The following SEC63 variants were observed in gnomAD, a reference collection of about 807,000 sequenced individuals.
SEC63 encodes translocation protein SEC63 homolog.
A neutral mutation model predicts 116.2 loss-of-function variants in SEC63; 56 were observed. That is an observed-to-expected ratio of 0.48 (90% confidence interval 0.39 to 0.60). SEC63 has a LOEUF of 0.60. SEC63 is among the 20% of genes least tolerant of loss of function. SEC63 has a pLI of 0.00. For missense variants in SEC63, 668 were observed against 900.0 expected (o/e 0.74, Z 3.30); for synonymous variants, 273 against 294.6 (o/e 0.93, Z 0.75).
intron 15 of SEC63, 25 bp from the exon 16 acceptor site, chr6:107,893,680 C>CT (rs1488296950): frequency 1.2e-6 from 2 of 1,613,200 alleles, no homozygotes; most frequent in Non-Finnish European, 1.7e-6. Context: ...ACGTCACACT[C>CT]TTAAGTTATA....
chr6:107,871,624 G>A lies in SEC63; in HGVS notation c.*80C>T. 1 of 1,372,350 alleles carries A rather than the reference G, an allele frequency of 7.3e-7. No individual in the cohort carries two copies. The highest frequency in any genetic ancestry group is 2.3e-5 in the East Asian group (1 of 43,812). 85.0% of individuals were successfully genotyped at this position (1,372,350 alleles called of 1,614,324 possible). ...CCTCCCTCAACATCAGTTCTGTACT[G>A]TTTCTGGTTTATGATACACTTCCAA... On this transcript the variant is annotated 3_prime_UTR_variant, in exon 21 of 21. Coordinates refer to ENST00000369002, the MANE Select transcript of SEC63 (RefSeq NM_007214.5).
intron 19 of SEC63, among the ~76,000 whole-genome samples, chr6:107,876,100 T>G (rs1043951334): frequency 2.0e-5 from 3 of 152,112 alleles, no homozygotes; most frequent in Non-Finnish European, 2.9e-5. Flanking sequence ...AAAATGCAGT[T>G]CCCAAGGGTA....
Position 107,910,559 on chromosome 6 carries a change from G to A in SEC63, c.624+787C>T, listed in dbSNP as rs144385118. 3.4e-3 allele frequency among the ~76,000 whole-genome samples: 518 copies of A among 150,420 alleles called. 12 individuals carry two copies. Among genetic ancestry groups the A allele is most frequent in the African/African-American group, 0.012 (489 of 41,310 alleles). Reference sequence around the variant, plus strand: ...GTCATACATATATACATATATGCATGTCATACATATACACGTGTCATACAC... The same window carrying A: ...GTCATACATATATACATATATGCATATCATACATATACACGTGTCATACAC... On this transcript the variant is annotated intron_variant, in intron 7 of 20. Transcript: ENST00000369002.
chr6:107,953,255 A>C (rs1161459393), intron 1 of SEC63, among the ~76,000 whole-genome samples: 1 of 152,274 alleles, frequency 6.6e-6, no homozygotes, highest in Admixed American at 6.5e-5. Context: ...GCAAGGCTCC[A>C]TCTCAAAAAA....
chr6:107,908,193 A>C (rs530040584), intron 8 of SEC63, among the ~76,000 whole-genome samples: 1 of 152,164 alleles, frequency 6.6e-6, no homozygotes, highest in Admixed American at 6.6e-5. Context: ...CAAAACTTAC[A>C]TTCTTTTATT....
At chr6:107,921,522 G>C (rs1240399798) in intron 4 of SEC63, among the ~76,000 whole-genome samples, 5 of 151,628 alleles carry the variant, frequency 3.3e-5, no homozygotes, top group Non-Finnish European at 5.9e-5. Flanking sequence ...CATGGTCACG[G>C]CTCACTGCAG....
intron 18 of SEC63, chr6:107,877,367 T>A (rs1786304618): frequency 6.6e-6 from 1 of 152,224 alleles, no homozygotes; most frequent in Admixed American, 6.5e-5. Context: ...TAGACTATTC[T>A]AAACTCTCAA....
Position 107,869,934 on chromosome 6 carries a change from C to G in SEC63, c.*1770G>C, listed in dbSNP as rs1052713626. ...AAAAACAACTTTTCTTGAAATCTTT[C>G]AAGAAAACTAGGAAATATGCATTCT... On this transcript the variant is annotated 3_prime_UTR_variant, in exon 21 of 21. Transcript: ENST00000369002. The G allele has an allele frequency of 3.2e-4, 48 of 151,804 alleles. No individual in the cohort carries two copies. Among genetic ancestry groups the G allele is most frequent in the African/African-American group, 1.1e-3 (47 of 41,376 alleles). The allele number at this position is 151,804 out of a possible 1,614,324, so 9.4% of individuals were successfully genotyped here. A position where few individuals can be genotyped will look rare whatever the true frequency, so the allele number is the denominator to read the frequency against.
chr6:107,921,093 GAC>G (rs1369742236), intron 4 of SEC63, among the ~76,000 whole-genome samples: 3 of 151,416 alleles, frequency 2.0e-5, no homozygotes, highest in Non-Finnish European at 4.4e-5. Flanking sequence ...AAAAGAAAAA[GAC>G]ACCAAAAATG....
At chr6:107,920,777 G>C (rs2064204) in intron 4 of SEC63, among the ~76,000 whole-genome samples, 148,795 of 152,324 alleles carry the variant, frequency 0.98, 72,714 homozygotes, top group African/African-American at 0.99. Flanking sequence ...AGATTAATAC[G>C]CAAGAGATCA....
chr6:107,943,730 C>G (rs1770423562), intron 1 of SEC63, among the ~76,000 whole-genome samples: 3 of 152,110 alleles, frequency 2.0e-5, no homozygotes, highest in Non-Finnish European at 4.4e-5. Flanking sequence ...GAGCAGCAAC[C>G]AGTAAAAGAC....
At chr6:107,951,972 CA>C (rs796395901) in intron 1 of SEC63, among the ~76,000 whole-genome samples, 18,932 of 100,836 alleles carry the variant, frequency 0.19, 4,180 homozygotes, top group African/African-American at 0.54. Flanking sequence ...GACTCCATCT[CA>C]AAAAAAAAAA....
chr6:107,927,444 C>A (rs1371895468), intron 2 of SEC63, among the ~76,000 whole-genome samples: 1 of 152,056 alleles, frequency 6.6e-6, no homozygotes, highest in Non-Finnish European at 1.5e-5. Flanking sequence ...AAGCATTACC[C>A]AATTGTTTAA....
chr6:107,882,923 A>T (rs1482252869), intron 17 of SEC63, 65 bp downstream of exon 17: 3 of 1,103,030 alleles, frequency 2.7e-6, no homozygotes, highest in Admixed American at 1.7e-5. Flanking sequence ...ACAACAACAA[A>T]ACCCAAAGCT....
chr6:107,900,774 A>G (rs1223975234), intron 13 of SEC63, among the ~76,000 whole-genome samples: 1 of 152,238 alleles, frequency 6.6e-6, no homozygotes, highest in Non-Finnish European at 1.5e-5. Flanking sequence ...GACCACCACC[A>G]CAATGAAAGA....
intron 8 of SEC63, among the ~76,000 whole-genome samples, chr6:107,908,493 G>A (rs1170868925): frequency 2.0e-5 from 3 of 152,064 alleles, no homozygotes; most frequent in East Asian, 1.9e-4. Flanking sequence ...TTCAATCCTG[G>A]ATATCACTTA....
At chr6:107,884,228 G>A (rs1451855736) in intron 16 of SEC63, among the ~76,000 whole-genome samples, 1 of 147,238 alleles carries the variant, frequency 6.8e-6, no homozygotes, top group Non-Finnish European at 1.5e-5. Flanking sequence ...CACTGCCTGG[G>A]TAACAGAGCA....
intron 1 of SEC63, among the ~76,000 whole-genome samples, chr6:107,934,252 C>T (rs545502078): frequency 4.4e-4 from 67 of 151,880 alleles, no homozygotes; most frequent in African/African-American, 1.6e-3. Flanking sequence ...CTCTTCCCAG[C>T]CGCCATCCCG....
chr6:107,872,839 T>A lies in SEC63; in HGVS notation c.2108A>T (p.Tyr703Phe). The A allele has an allele frequency of 6.4e-7, 1 of 1,555,832 alleles. No homozygotes were observed. The highest frequency in any genetic ancestry group is 8.7e-7 in the Non-Finnish European group (1 of 1,146,178). Residue 703 changes from tyrosine (Y) to phenylalanine (F), a missense_variant, in exon 20 of 21, where the codon TAT becomes TTT. Physicochemically the swap from Tyr to Phe is conservative, Grantham distance 22 (BLOSUM62 3). This residue lies in a region of SEC63 where 85 missense variants were observed against 116.3 expected (regional missense o/e 0.73). Coordinates refer to ENST00000369002, the MANE Select transcript of SEC63 (RefSeq NM_007214.5). ...QYTVFLRSDS[Y>F]MGLDQIKPLK... ...TGGTTTAATCTGATCCAAACCCATATAGGAGTCTGATCTCAGAAACACAGT... is the reference window on the plus strand; with the variant it reads ...TGGTTTAATCTGATCCAAACCCATAAAGGAGTCTGATCTCAGAAACACAGT...
Sources: gnomAD v4.1 joint callset for allele counts (sites outside exome capture counted in the v4.1 genomes callset) on GRCh38, gnomAD v4.1.1 for gene constraint, gnomAD v4.1.1 regional missense constraint, MANE v1.5 for transcripts, NCBI Gene and HGNC (gene_info 2026-07-23, HGNC 2026-07-21) for gene names.